MUCL1: variants seen among roughly 807,000 people sequenced by gnomAD.
The protein encoded by MUCL1 is mucin like 1.
A neutral mutation model predicts 9.2 loss-of-function variants in MUCL1; 11 were observed. That is an observed-to-expected ratio of 1.19 (90% CI 0.75 to 1.97). MUCL1 has a LOEUF of 1.97. Ranked by LOEUF, MUCL1 falls within the 30% of genes most tolerant of loss-of-function variation. The pLI, the probability that MUCL1 is intolerant of heterozygous loss-of-function variation, is 0.00. For missense variants in MUCL1, 144 were observed against 110.9 expected, an observed-to-expected ratio of 1.30 and a Z score of -1.34; for synonymous variants, 48 against 40.5, an observed-to-expected ratio of 1.19 and a Z score of -0.71.
In MUCL1 at chr12:54,856,897, C is replaced by A; in HGVS notation, c.223+5C>A. On this transcript the variant is annotated splice_donor_5th_base_variant and intron_variant, in intron 3 of 3. Transcript: ENST00000308796. ...CTGCTCGTAAAGACATTCCAGGTAGCAAGACTCCTCCATCTGTGTGCTTCC... is the reference window on the plus strand; with the variant it reads ...CTGCTCGTAAAGACATTCCAGGTAGAAAGACTCCTCCATCTGTGTGCTTCC... 1 of 1,613,632 alleles carries A rather than the reference C, an allele frequency of 6.2e-7. No individual in the cohort carries two copies. Among genetic ancestry groups the A allele is most frequent in the Non-Finnish European group, 8.5e-7 (1 of 1,179,736 alleles).
In MUCL1 at chr12:54,856,822, C is replaced by G. The variant is rs752715149; in HGVS notation, c.153C>G (p.Thr51=). ...APDAETTAAA[T]TATTAAPTTA... is the part of the protein sequence containing the mutation. ...ATGCTGAAACCACTGCTGCTGCAAC[C>G]ACTGCAACCACTGCTGCTCCTACCA... The change falls in exon 3 of 4, where the codon ACC becomes ACG. Residue 51 remains threonine (T), a synonymous_variant. Transcript: ENST00000308796. 8 of 1,611,934 alleles carry G rather than the reference C, an allele frequency of 5.0e-6. No homozygotes were observed. The highest frequency in any genetic ancestry group is 5.1e-6 in the Non-Finnish European group (6 of 1,178,440).
intron 1 of MUCL1, among the ~76,000 whole-genome samples, chr12:54,847,303 G>A (rs67937792): frequency 0.044 from 6,735 of 152,212 alleles, 176 homozygotes; most frequent in Middle Eastern, 0.11. Context: ...TGAGAGGGAG[G>A]CAGAAAACTG....
intron 3 of MUCL1, 70 bp from the exon 4 acceptor site, chr12:54,858,123 A>C: frequency 6.3e-7 from 1 of 1,585,552 alleles, no homozygotes; most frequent in South Asian, 1.1e-5. Flanking sequence ...GTTCCTTCAG[A>C]TTCTGAAGAA....
chr12:54,852,838 C>T (rs1195586901), upstream of MUCL1, among the ~76,000 whole-genome samples: 1 of 152,018 alleles, frequency 6.6e-6, no homozygotes, highest in African/African-American at 2.4e-5. Context: ...GTCTTCCTTC[C>T]TTCTTTATCT....
chr12:54,854,427 T>G, upstream of MUCL1: 1 of 588,906 alleles, frequency 1.7e-6, no homozygotes, highest in Non-Finnish European at 3.0e-6. Flanking sequence ...TCCCAACGTT[T>G]CCTGGCATTA....
intron 3 of MUCL1, 50 bp from the exon 4 acceptor site, chr12:54,858,143 A>T (rs778572567): frequency 6.2e-7 from 1 of 1,609,756 alleles, no homozygotes; most frequent in Non-Finnish European, 8.5e-7. Flanking sequence ...ATAAATCCAC[A>T]TTCTTCATCC....
chr12:54,856,352 C>T (rs752328471), intron 2 of MUCL1, among the ~76,000 whole-genome samples: 2 of 152,206 alleles, frequency 1.3e-5, no homozygotes, highest in Non-Finnish European at 2.9e-5. Context: ...CATCCCTTTA[C>T]TCATCCTCAT....
upstream of MUCL1, among the ~76,000 whole-genome samples, chr12:54,853,223 G>A (rs920041593): frequency 6.6e-6 from 1 of 152,124 alleles, no homozygotes. Flanking sequence ...TTAAAGCAAG[G>A]GAAATCTTTA....
upstream of MUCL1, among the ~76,000 whole-genome samples, chr12:54,849,757 A>G (rs904925867): frequency 1.3e-5 from 2 of 152,170 alleles, no homozygotes; most frequent in African/African-American, 4.8e-5. Flanking sequence ...AGATCTGAGT[A>G]TATTTTATAT....
upstream of MUCL1, among the ~76,000 whole-genome samples, chr12:54,853,083 C>T (rs1034455186): frequency 2.6e-5 from 4 of 152,068 alleles, no homozygotes; most frequent in African/African-American, 9.7e-5. Context: ...GGGGAGTAGA[C>T]TGGTTGCTGT....
In MUCL1 at chr12:54,856,793, C is replaced by A. The variant is rs147966123; in HGVS notation, c.124C>A (p.Pro42Thr). The A allele has an allele frequency of 2.5e-6, 4 of 1,613,218 alleles. No individual in the cohort carries two copies. Among genetic ancestry groups the A allele is most frequent in the South Asian group, 1.1e-5 (1 of 91,060 alleles). Residue 42 changes from proline to threonine, a missense_variant, in exon 3 of 4, where the codon CCT becomes ACT. By Grantham distance (38) the Pro-to-Thr change is conservative (BLOSUM62 -1). Coordinates refer to ENST00000308796, the MANE Select transcript of MUCL1 (RefSeq NM_058173.3). ...PATGPADDEA[P>T]DAETTAAATT... The stretch of plus-strand genomic sequence containing the variant: ...AGCTGGTCCTGCTGATGATGAAGCC[C>A]CTGATGCTGAAACCACTGCTGCTGC...
At chr12:54,854,385 T>G (rs1868281731), upstream of MUCL1, 1 of 555,452 alleles carries the variant, frequency 1.8e-6, no homozygotes, top group Non-Finnish European at 3.2e-6. Context: ...AAAGGGCCCC[T>G]GGCTGTGTTG....
Position 54,858,228 on chromosome 12 carries a change from A to G in MUCL1, c.259A>G (p.Arg87Gly), listed in dbSNP as rs780407333. 2.5e-6 allele frequency: 4 copies of G among 1,613,556 alleles called. No individual in the cohort carries two copies. Among genetic ancestry groups the G allele is most frequent in the Admixed American group, 3.3e-5 (2 of 59,940 alleles). The stretch of plus-strand genomic sequence containing the variant: ...ATGGGTTGGGGATCTCCCGAATGGT[A>G]GAGTGTGTCCCTGAGATGGAATCAG... Reference protein sequence around the residue: ...PKWVGDLPNGRVCP With the variant: ...PKWVGDLPNGGVCP The change falls in exon 4 of 4, where the codon AGA (arginine) becomes GGA (glycine). Residue 87 changes from arginine (R) to glycine (G), a missense_variant. By Grantham distance (125) the Arg-to-Gly change is moderately radical (BLOSUM62 -2). Transcript: ENST00000308796.
Position 54,858,320 on chromosome 12 carries a change from G to T in MUCL1, c.*78G>T. ...GTGATTTCATCCAACTACTTACCTTGCCTACGATATCCCCTTTATCTCTAA... is the reference window on the plus strand; with the variant it reads ...GTGATTTCATCCAACTACTTACCTTTCCTACGATATCCCCTTTATCTCTAA... On this transcript the variant is annotated 3_prime_UTR_variant, in exon 4 of 4. Coordinates refer to ENST00000308796, the MANE Select transcript of MUCL1 (RefSeq NM_058173.3). 1.3e-6 allele frequency: 2 copies of T among 1,503,052 alleles called. No homozygotes were observed. Among genetic ancestry groups the T allele is most frequent in the Admixed American group, 1.7e-5 (1 of 59,626 alleles). The allele number at this position is 1,503,052 out of a possible 1,614,324, so 93.1% of individuals were successfully genotyped here.
intron 1 of MUCL1, among the ~76,000 whole-genome samples, chr12:54,841,709 T>C (rs1175906741): frequency 6.6e-6 from 1 of 152,226 alleles, no homozygotes; most frequent in Non-Finnish European, 1.5e-5. Context: ...TTTTTAGTTG[T>C]TGATTTTGAA....
At chr12:54,853,372 G>A (rs187525141), upstream of MUCL1, among the ~76,000 whole-genome samples, 137 of 152,164 alleles carry the variant, frequency 9.0e-4, 5 homozygotes, top group Admixed American at 2.3e-3. Context: ...TAGCAGCTTG[G>A]CTCCATTATG....
At chr12:54,834,079 TGTA>T (rs1959189148) in intron 1 of MUCL1, among the ~76,000 whole-genome samples, 1 of 152,194 alleles carries the variant, frequency 6.6e-6, no homozygotes, top group African/African-American at 2.4e-5. Context: ...TTATATTCAT[TGTA>T]GTTTAATTCA....
upstream of MUCL1, among the ~76,000 whole-genome samples, chr12:54,850,420 T>C (rs896832485): frequency 5.0e-4 from 76 of 151,822 alleles, no homozygotes; most frequent in Non-Finnish European, 9.3e-4. Context: ...TTTGGTTTTT[T>C]GTCCTTGCGA....
At chr12:54,855,086 A>G in intron 1 of MUCL1, 30 bp from the exon 2 acceptor site, 1 of 1,608,164 alleles carries the variant, frequency 6.2e-7, no homozygotes, top group South Asian at 1.1e-5. Flanking sequence ...TATTCAGCTA[A>G]CATCTTAATT....
Sources: allele counts gnomAD v4.1 joint callset (sites outside exome capture counted in the v4.1 genomes callset), GRCh38; gene constraint gnomAD v4.1.1; transcripts MANE v1.5; gene names NCBI Gene and HGNC (gene_info 2026-07-23, HGNC 2026-07-21).